Variants in TRHDE observed in about 807,000 individuals in gnomAD.
The protein encoded by TRHDE is thyrotropin releasing hormone degrading enzyme.
In TRHDE, 72 loss-of-function variants were observed where a neutral mutation model predicts 125.7. The ratio of observed to expected loss-of-function variants is 0.57; its 90% CI spans 0.47 to 0.70. The LOEUF is 0.70. TRHDE is among the 30% of genes least tolerant of loss of function. The probability of loss-of-function intolerance (pLI) is 0.00; values close to 1 mark genes in which losing one functional copy is unlikely to be tolerated. For synonymous variants in TRHDE, 509 were observed against 509.1 expected, an observed-to-expected ratio of 1.00 and a Z score of 0.00; for missense variants, 1,110 against 1,327.1, an observed-to-expected ratio of 0.84 and a Z score of 2.54.
At position 72,228,396 on chromosome 12, in the gene TRHDE, T is replaced by C. The variant is rs373972978; in HGVS notation, n.279+122644T>C. Reference sequence around the variant, plus strand: ...GCTGGATGTTGGCCTGTTTTAGCCATGGCGTGAATGCAGGGGACCAAGTTC... The same window carrying C: ...GCTGGATGTTGGCCTGTTTTAGCCACGGCGTGAATGCAGGGGACCAAGTTC... On this transcript the variant is annotated intron_variant and non_coding_transcript_variant, in intron 2 of 4. Transcript: ENST00000548156. Among the ~76,000 whole-genome samples the C allele has an allele frequency of 3.8e-4, 58 of 152,280 alleles. No individual in the cohort carries two copies. The East Asian group carries it at 0.01, about 27-fold the overall frequency.
At chr12:72,622,508 C>A (rs1228199387) in intron 15 of TRHDE, among the ~76,000 whole-genome samples, 1 of 151,856 alleles carries the variant, frequency 6.6e-6, no homozygotes, top group Non-Finnish European at 1.5e-5. Flanking sequence ...AGTTTTTGGC[C>A]CCCATAACTA....
chr12:72,232,654 C>G (rs571889195), intron 2 of TRHDE, among the ~76,000 whole-genome samples: 5 of 152,244 alleles, frequency 3.3e-5, no homozygotes, highest in African/African-American at 1.2e-4. Flanking sequence ...CCAGCATCCT[C>G]TTTGCTAAAC....
intron 15 of TRHDE, among the ~76,000 whole-genome samples, chr12:72,631,162 T>C (rs1267414763): frequency 6.6e-6 from 1 of 151,752 alleles, no homozygotes; most frequent in Non-Finnish European, 1.5e-5. Context: ...TTTACTCATT[T>C]TCTTCAGACA....
chr12:72,426,730 A>G (rs1421888632), intron 3 of TRHDE, among the ~76,000 whole-genome samples: 1 of 151,856 alleles, frequency 6.6e-6, no homozygotes, highest in Non-Finnish European at 1.5e-5. Context: ...AAAAAAAAAA[A>G]CCAGTTCTTA....
intron 3 of TRHDE, among the ~76,000 whole-genome samples, chr12:72,398,565 T>G (rs1241333306): frequency 6.6e-6 from 1 of 152,250 alleles, no homozygotes; most frequent in Non-Finnish European, 1.5e-5. Flanking sequence ...ATATGGTAGA[T>G]GTTTAACAAA....
chr12:72,286,704 C>T lies in TRHDE; in HGVS notation c.938C>T (p.Ser313Leu), dbSNP rs767303355. Reference sequence around the variant, plus strand: ...AGATTCCTTGGTGTTACTCAGTTTTCGCCTACACATGCCAGAAAGGCATTT... The same window carrying T: ...AGATTCCTTGGTGTTACTCAGTTTTTGCCTACACATGCCAGAAAGGCATTT... ...ERRFLGVTQF[S>L]PTHARKAFPC... Residue 313 changes from serine (S) to leucine (L), a missense_variant, in exon 2 of 19, where the codon TCG becomes TTG. Ser to Leu is a moderately radical substitution (Grantham distance 145, BLOSUM62 -2). This residue lies in a region of TRHDE where 252 missense variants were observed against 274.8 expected (regional missense o/e 0.92). Transcript: ENST00000261180. 5.0e-6 allele frequency: 8 copies of T among 1,613,812 alleles called. No homozygotes were observed. The highest frequency in any genetic ancestry group is 5.1e-6 in the Non-Finnish European group (6 of 1,179,914).
chr12:72,191,070 A>T (rs1233814641), intron 2 of TRHDE, among the ~76,000 whole-genome samples: 1 of 152,226 alleles, frequency 6.6e-6, no homozygotes, highest in Non-Finnish European at 1.5e-5. Flanking sequence ...TACAACATTG[A>T]GCCAGAATAA....
At chr12:72,117,774 A>G (rs1200212699) in intron 2 of TRHDE, among the ~76,000 whole-genome samples, 2 of 150,802 alleles carry the variant, frequency 1.3e-5, no homozygotes, top group Non-Finnish European at 3.0e-5. Context: ...TATAGTTTTC[A>G]TGTAGAGATA....
intron 2 of TRHDE, chr12:72,257,205 T>G (rs1231322835): frequency 1.3e-5 from 2 of 152,134 alleles, no homozygotes; most frequent in Non-Finnish European, 2.9e-5. Context: ...AATCCGATGC[T>G]CCAAAATCCA....
At chr12:72,380,357 A>C (rs147809679) in intron 3 of TRHDE, among the ~76,000 whole-genome samples, 2 of 152,202 alleles carry the variant, frequency 1.3e-5, no homozygotes, top group Non-Finnish European at 2.9e-5. Flanking sequence ...GATTGGAGAT[A>C]CATGCCATTA....
intron 3 of TRHDE, among the ~76,000 whole-genome samples, chr12:72,430,408 T>TGTGTATATATATAC (rs2135840926): frequency 2.1e-5 from 3 of 146,320 alleles, no homozygotes; most frequent in African/African-American, 7.5e-5. Context: ...CACGTATATA[T>TGTGTATATATATAC]ATGTGCATAT....
intron 2 of TRHDE, among the ~76,000 whole-genome samples, chr12:72,205,402 T>C (rs1371765977): frequency 6.6e-6 from 1 of 151,874 alleles, no homozygotes; most frequent in Non-Finnish European, 1.5e-5. Flanking sequence ...TCTTTTAAAG[T>C]TTTTAAGTGT....
At chr12:72,438,838 A>G (rs1874865667) in intron 3 of TRHDE, among the ~76,000 whole-genome samples, 1 of 151,858 alleles carries the variant, frequency 6.6e-6, no homozygotes, top group African/African-American at 2.4e-5. Context: ...GGTCACATCT[A>G]AAAAGGCATT....
At chr12:72,432,505 A>G (rs986749009) in intron 3 of TRHDE, among the ~76,000 whole-genome samples, 86 of 152,256 alleles carry the variant, frequency 5.6e-4, no homozygotes, top group African/African-American at 2.0e-3. Flanking sequence ...CCTCAGGGTT[A>G]TAGGACAGCT....
rs1264270682 is a variant in TRHDE at position 72,597,730 on chromosome 12, T to C, written c.2322-21161T>C. Among the ~76,000 whole-genome samples, 18 of 7,400 alleles carry C rather than the reference T, an allele frequency of 2.4e-3. 2 individuals are homozygous for C. Among genetic ancestry groups the C allele is most frequent in the African/African-American group, 6.2e-3 (17 of 2,758 alleles). The allele number at this position is 7,400 out of a possible 152,430, so 4.9% of individuals were successfully genotyped here. On this transcript the variant is annotated intron_variant, in intron 12 of 18. Transcript: ENST00000261180. Reference sequence around the variant, plus strand: ...GTGTGTATGTATATATATATATATATATATATATATATATATATATATATA... The same window carrying C: ...GTGTGTATGTATATATATATATATACATATATATATATATATATATATATA...
chr12:72,425,264 T>TC (rs1874135839), intron 3 of TRHDE, among the ~76,000 whole-genome samples: 1 of 152,158 alleles, frequency 6.6e-6, no homozygotes, highest in Non-Finnish European at 1.5e-5. Flanking sequence ...TGGTTTTATT[T>TC]TTCTGTTTGG....
intron 2 of TRHDE, among the ~76,000 whole-genome samples, chr12:72,288,482 T>C (rs1010383432): frequency 6.6e-6 from 1 of 152,190 alleles, no homozygotes; most frequent in Admixed American, 6.5e-5. Flanking sequence ...CTTTTGGATT[T>C]ATAATCATTT....
chr12:72,261,058 A>G (rs1275613495), intron 2 of TRHDE, among the ~76,000 whole-genome samples: 1 of 152,170 alleles, frequency 6.6e-6, no homozygotes, highest in African/African-American at 2.4e-5. Flanking sequence ...ACAGTATTTT[A>G]TGTATTTGAA....
At chr12:72,604,304 G>A (rs775178815) in intron 12 of TRHDE, among the ~76,000 whole-genome samples, 33 of 152,018 alleles carry the variant, frequency 2.2e-4, no homozygotes, top group Non-Finnish European at 3.2e-4. Flanking sequence ...TCAAGCAGCA[G>A]GTGTTAAGTT....
Sources: allele counts gnomAD v4.1 joint callset (sites outside exome capture counted in the v4.1 genomes callset), GRCh38; gene constraint gnomAD v4.1.1; regional missense constraint gnomAD v4.1.1; transcripts MANE v1.5; gene names NCBI Gene and HGNC (gene_info 2026-07-23, HGNC 2026-07-21).